The following MAGI1 variants were observed in gnomAD, a reference collection of about 807,000 sequenced individuals.
MAGI1 encodes membrane-associated guanylate kinase, WW and PDZ domain-containing protein 1.
A neutral mutation model predicts 139.9 loss-of-function variants in MAGI1; 58 were observed. The observed-to-expected ratio is 0.41, with a 90% CI of 0.34 to 0.52. The LOEUF is 0.52. Among genes scored for constraint, MAGI1 ranks in the 20% least tolerant of loss-of-function variants. MAGI1 has a pLI of 0.12. For synonymous variants in MAGI1, 812 were observed against 737.9 expected (o/e 1.10, Z -1.63); for missense variants, 1,874 against 1,901.6 (o/e 0.99, Z 0.27).
chr3:65,383,185 C>T (rs1380831496), intron 15 of MAGI1, among the ~76,000 whole-genome samples: 1 of 152,168 alleles, frequency 6.6e-6, no homozygotes, highest in African/African-American at 2.4e-5. Flanking sequence ...TACCTGCTGG[C>T]AGAGTGAAGG....
intron 18 of MAGI1, among the ~76,000 whole-genome samples, chr3:65,370,722 C>G (rs1034918997): frequency 3.9e-5 from 6 of 152,158 alleles, no homozygotes; most frequent in Non-Finnish European, 8.8e-5. Context: ...CACTGAAGCT[C>G]GACCTCAACC....
chr3:66,001,402 G>C (rs952675181), intron 1 of MAGI1, among the ~76,000 whole-genome samples: 2 of 152,118 alleles, frequency 1.3e-5, no homozygotes, highest in Non-Finnish European at 2.9e-5. Context: ...CTTATCCACA[G>C]ACCAAAGTTC....
At chr3:65,937,460 G>T (rs556646784) in intron 1 of MAGI1, among the ~76,000 whole-genome samples, 1 of 152,144 alleles carries the variant, frequency 6.6e-6, no homozygotes, top group African/African-American at 2.4e-5. Flanking sequence ...TGGCCCACAG[G>T]CCCACAGAGA....
At chr3:65,685,323 AAAG>A (rs1158906654) in intron 1 of MAGI1, among the ~76,000 whole-genome samples, 2 of 152,106 alleles carry the variant, frequency 1.3e-5, no homozygotes, top group Non-Finnish European at 2.9e-5. Context: ...AAAAAAAAAA[AAAG>A]ATTAGGAGAA....
chr3:65,468,019 T>C (rs973575578), intron 5 of MAGI1, among the ~76,000 whole-genome samples: 3 of 152,176 alleles, frequency 2.0e-5, no homozygotes, highest in Admixed American at 6.6e-5. Flanking sequence ...CTCTATCTCC[T>C]CTAATTCTTA....
chr3:65,909,748 G>A (rs1036359661), intron 1 of MAGI1, among the ~76,000 whole-genome samples: 14 of 152,072 alleles, frequency 9.2e-5, no homozygotes, highest in African/African-American at 1.7e-4. Flanking sequence ...GCTGCTGCCC[G>A]CTTTATTTCA....
intron 1 of MAGI1, among the ~76,000 whole-genome samples, chr3:65,647,305 C>G (rs1387716269): frequency 6.6e-6 from 1 of 152,036 alleles, no homozygotes; most frequent in Non-Finnish European, 1.5e-5. Flanking sequence ...ACTACTCATC[C>G]CATATAAAAT....
intron 1 of MAGI1, among the ~76,000 whole-genome samples, chr3:65,818,453 G>C (rs543135880): frequency 6.6e-6 from 1 of 152,230 alleles, no homozygotes; most frequent in Non-Finnish European, 1.5e-5. Context: ...CAAATAGGGG[G>C]GTCCAACCCA....
intron 13 of MAGI1, among the ~76,000 whole-genome samples, chr3:65,397,095 A>G (rs994474234): frequency 6.6e-6 from 1 of 152,156 alleles, no homozygotes; most frequent in African/African-American, 2.4e-5. Flanking sequence ...CTATGCCTTC[A>G]CCCATCTACT....
At chr3:65,645,364 G>A (rs2085204006) in intron 1 of MAGI1, among the ~76,000 whole-genome samples, 1 of 151,968 alleles carries the variant, frequency 6.6e-6, no homozygotes, top group African/African-American at 2.4e-5. Flanking sequence ...CAGAAACCAT[G>A]GAAACCTAAT....
At chr3:65,541,994 G>T (rs1440302103) in intron 2 of MAGI1, among the ~76,000 whole-genome samples, 3 of 152,154 alleles carry the variant, frequency 2.0e-5, no homozygotes, top group Non-Finnish European at 4.4e-5. Context: ...CCTGTCTGCA[G>T]ATTACATGAT....
intron 1 of MAGI1, among the ~76,000 whole-genome samples, chr3:65,862,688 C>G (rs377750167): frequency 1.3e-5 from 2 of 152,236 alleles, no homozygotes; most frequent in African/African-American, 4.8e-5. Flanking sequence ...TCCTCTTCCA[C>G]CAGCTCATCA....
At chr3:66,015,596 G>A (rs1216885518) in intron 1 of MAGI1, among the ~76,000 whole-genome samples, 1 of 152,190 alleles carries the variant, frequency 6.6e-6, no homozygotes, top group African/African-American at 2.4e-5. Flanking sequence ...ATGGCATAGA[G>A]TAAGGGGTAC....
chr3:65,878,670 C>T (rs1207411302), intron 1 of MAGI1, among the ~76,000 whole-genome samples: 2 of 152,112 alleles, frequency 1.3e-5, no homozygotes, highest in Non-Finnish European at 2.9e-5. Context: ...ACACCAGTGA[C>T]AAAATGGATA....
At chr3:65,427,022 C>G (rs1460824831) in intron 12 of MAGI1, among the ~76,000 whole-genome samples, 1 of 152,066 alleles carries the variant, frequency 6.6e-6, no homozygotes, top group Admixed American at 6.5e-5. Context: ...TATTTAAAAT[C>G]AAGGAGTATA....
intron 1 of MAGI1, among the ~76,000 whole-genome samples, chr3:65,884,496 GAATACA>G (rs2060456771): frequency 6.6e-6 from 1 of 152,118 alleles, no homozygotes; most frequent in African/African-American, 2.4e-5. Context: ...AATTAAGGAA[GAATACA>G]TTTAAGACAA....
intron 2 of MAGI1, among the ~76,000 whole-genome samples, chr3:65,614,433 C>T (rs963534452): frequency 1.3e-5 from 2 of 152,070 alleles, no homozygotes; most frequent in Non-Finnish European, 2.9e-5. Context: ...TAATTTTCTT[C>T]ATTGGAAAAT....
intron 1 of MAGI1, among the ~76,000 whole-genome samples, chr3:65,701,300 T>A (rs1205988633): frequency 6.6e-6 from 1 of 152,204 alleles, no homozygotes; most frequent in African/African-American, 2.4e-5. Context: ...TCGCCCAGGC[T>A]GGAGTGCAAT....
At chr3:65,761,154 C>A (rs546342240) in intron 1 of MAGI1, among the ~76,000 whole-genome samples, 2 of 152,270 alleles carry the variant, frequency 1.3e-5, no homozygotes, top group Non-Finnish European at 2.9e-5. Context: ...TCTTGACTTT[C>A]ACCAGGCACA....
Sources: gnomAD v4.1 joint callset for allele counts (sites outside exome capture counted in the v4.1 genomes callset) on GRCh38, gnomAD v4.1.1 for gene constraint, MANE v1.5 for transcripts, NCBI Gene and HGNC (gene_info 2026-07-23, HGNC 2026-07-21) for gene names.